Variants in KLF9 observed in about 807,000 individuals in gnomAD.
KLF9 encodes the protein Krueppel-like factor 9.
In KLF9, 2 loss-of-function variants were observed where a neutral mutation model predicts 17.3. That is an observed-to-expected ratio of 0.12 (90% CI 0.05 to 0.36). The LOEUF (loss-of-function observed/expected upper bound fraction) is 0.36. Ranked by LOEUF, KLF9 falls within the 10% of genes least tolerant of loss-of-function variation. The pLI, the probability that KLF9 is intolerant of heterozygous loss-of-function variation, is 1.00. For synonymous variants in KLF9, 138 were observed against 139.2 expected (o/e 0.99, Z 0.06); for missense variants, 226 against 333.2 (o/e 0.68, Z 2.51).
In KLF9 at chr9:70,412,994, G is replaced by A. The variant is rs1031467856; in HGVS notation, c.370C>T (p.Leu124Phe). ...RQDPGSAPSPLSLLHPGVAAK... is the reference protein window; with the variant it reads ...RQDPGSAPSPFSLLHPGVAAK... ...GCCACTCCAGGATGGAGGAGGGAGA[G>A]CGGGCTGGGCGCGCTGCCAGGATCC... Residue 124 changes from leucine (L) to phenylalanine (F), a missense_variant, in exon 1 of 2, where the codon CTC becomes TTC. Coordinates refer to ENST00000377126, the MANE Select transcript of KLF9 (RefSeq NM_001206.4). 3 of 1,614,174 alleles carry A rather than the reference G, an allele frequency of 1.9e-6. No individual in the cohort carries two copies. The highest frequency in any genetic ancestry group is 2.5e-6 in the Non-Finnish European group (3 of 1,180,028).
Position 70,387,580 on chromosome 9 carries a change from T to G in KLF9, c.*196A>C, listed in dbSNP as rs1316683583. ...CCTCTTCAAGGGGACCGAGTGTTGT[T>G]GACTTTGATCTTAGGCTACAATGTG... On this transcript the variant is annotated 3_prime_UTR_variant, in exon 2 of 2. Transcript: ENST00000377126. The G allele has an allele frequency of 6.8e-6, 4 of 591,146 alleles. No homozygotes were observed. The African/African-American group carries it at 7.4e-5, about 11-fold the overall frequency. The allele number at this position is 591,146 out of a possible 1,614,324, so 36.6% of individuals were successfully genotyped here.
Position 70,384,674 on chromosome 9 carries a change from T to G in KLF9, c.*3102A>C, listed in dbSNP as rs1043720425. On this transcript the variant is annotated 3_prime_UTR_variant, in exon 2 of 2. Coordinates refer to ENST00000377126, the MANE Select transcript of KLF9 (RefSeq NM_001206.4). ...CAAAATACCTACTGTCAGAATCCTC[T>G]TTTATAATTTCATTTGATTTACAAA... The G allele has an allele frequency of 1.3e-5, 2 of 152,658 alleles. No homozygotes were observed. The highest frequency in any genetic ancestry group is 4.8e-5 in the African/African-American group (2 of 41,458). The allele number at this position is 152,658 out of a possible 1,614,324, so 9.5% of individuals were successfully genotyped here. A position where few individuals can be genotyped will look rare whatever the true frequency, so the allele number is the denominator to read the frequency against.
At chr9:70,404,420 T>C (rs920413488) in intron 1 of KLF9, among the ~76,000 whole-genome samples, 1 of 151,770 alleles carries the variant, frequency 6.6e-6, no homozygotes, top group Non-Finnish European at 1.5e-5. Flanking sequence ...GGCAACATAG[T>C]GAAACCCAGC....
intron 1 of KLF9, among the ~76,000 whole-genome samples, chr9:70,408,380 G>T (rs1188122652): frequency 7.2e-5 from 11 of 152,240 alleles, no homozygotes; most frequent in Admixed American, 7.2e-4. Context: ...TATGTTGGAT[G>T]AAGCAAGTTG....
chr9:70,409,963 T>TAA (rs2037297890), intron 1 of KLF9, among the ~76,000 whole-genome samples: 1 of 152,202 alleles, frequency 6.6e-6, no homozygotes, highest in Non-Finnish European at 1.5e-5. Context: ...TCTCAAGGGG[T>TAA]TACTGTGTGT....
At chr9:70,397,582 A>G (rs1200794052) in intron 1 of KLF9, among the ~76,000 whole-genome samples, 1 of 152,174 alleles carries the variant, frequency 6.6e-6, no homozygotes, top group Admixed American at 6.5e-5. Context: ...TGAAAGGGAC[A>G]TGGCCCTCTT....
intron 1 of KLF9, among the ~76,000 whole-genome samples, chr9:70,410,439 A>G (rs887459116): frequency 2.6e-5 from 4 of 152,236 alleles, no homozygotes; most frequent in African/African-American, 9.6e-5. Flanking sequence ...GCTGGCCTCA[A>G]CTGTGTCGTT....
intron 1 of KLF9, among the ~76,000 whole-genome samples, chr9:70,394,271 G>T (rs1198808401): frequency 7.1e-6 from 1 of 140,630 alleles, no homozygotes; most frequent in Non-Finnish European, 1.5e-5. Flanking sequence ...AAATCATACT[G>T]ATATTATTCC....
At chr9:70,408,384 C>G (rs1424608549) in intron 1 of KLF9, among the ~76,000 whole-genome samples, 1 of 152,174 alleles carries the variant, frequency 6.6e-6, no homozygotes, top group Non-Finnish European at 1.5e-5. Context: ...TTGGATGAAG[C>G]AAGTTGGGTT....
Position 70,387,653 on chromosome 9 carries a change from G to C in KLF9, c.*123C>G. ...GAGGAAAATCAGAATATTGACCAAAGAGCAGTGACTTCCTGTGCCGTCAAG... is the reference window on the plus strand; with the variant it reads ...GAGGAAAATCAGAATATTGACCAAACAGCAGTGACTTCCTGTGCCGTCAAG... On this transcript the variant is annotated 3_prime_UTR_variant, in exon 2 of 2. Coordinates refer to ENST00000377126, the MANE Select transcript of KLF9 (RefSeq NM_001206.4). The C allele has an allele frequency of 1.3e-6, 1 of 754,822 alleles. No homozygotes were observed. The highest frequency in any genetic ancestry group is 2.2e-6 in the Non-Finnish European group (1 of 444,976). The allele number at this position is 754,822 out of a possible 1,614,324, so 46.8% of individuals were successfully genotyped here. A position where few individuals can be genotyped will look rare whatever the true frequency, so the allele number is the denominator to read the frequency against.
rs1014115066 is a variant in KLF9, at chr9:70,384,754, T to G, written c.*3022A>C. 2.0e-5 allele frequency: 3 copies of G among 152,646 alleles called. No individual in the cohort carries two copies. The highest frequency in any genetic ancestry group is 7.2e-5 in the African/African-American group (3 of 41,456). 9.5% of individuals were successfully genotyped at this position (152,646 alleles called of 1,614,324 possible). On this transcript the variant is annotated 3_prime_UTR_variant, in exon 2 of 2. Transcript: ENST00000377126. ...AATACTGTACAAAAATAAAACTGAT[T>G]AAACAGTTGTAAAGATCAGTATCTT...
At position 70,387,434 on chromosome 9, in the gene KLF9, C is replaced by T. The variant is rs1333484936; in HGVS notation, c.*342G>A. On this transcript the variant is annotated 3_prime_UTR_variant, in exon 2 of 2. Transcript: ENST00000377126. ...GTCTTGGCCTTACCCCCCTCCCCCCCACCCACTCCCTACCCTCCCCCGCAA... is the reference window on the plus strand; with the variant it reads ...GTCTTGGCCTTACCCCCCTCCCCCCTACCCACTCCCTACCCTCCCCCGCAA... 6.7e-6 allele frequency: 1 copy of T among 148,402 alleles called. No homozygotes were observed. Among genetic ancestry groups the T allele is most frequent in the African/African-American group, 2.6e-5 (1 of 38,536 alleles). The allele number at this position is 148,402 out of a possible 1,614,324, so 9.2% of individuals were successfully genotyped here. A position where few individuals can be genotyped will look rare whatever the true frequency, so the allele number is the denominator to read the frequency against.
Position 70,392,625 on chromosome 9 carries a change from C to T in KLF9, c.506-4620G>A, listed in dbSNP as rs372726354. On this transcript the variant is annotated intron_variant, in intron 1 of 1. Coordinates refer to ENST00000377126, the MANE Select transcript of KLF9 (RefSeq NM_001206.4). ...ATGGAATGGGGAAGTCACATGTAGA[C>T]GAGAACAGAATTAAGGCTGAATGGG... Among the ~76,000 whole-genome samples the T allele has an allele frequency of 4.7e-3, 720 of 152,172 alleles. 9 individuals carry two copies. Among genetic ancestry groups the T allele is most frequent in the Non-Finnish European group, 7.9e-3 (534 of 68,010 alleles).
chr9:70,386,808 C>T lies in KLF9; in HGVS notation c.*968G>A, dbSNP rs1289163267. 1 of 152,408 alleles carries T rather than the reference C, an allele frequency of 6.6e-6. No individual in the cohort carries two copies. Among genetic ancestry groups the T allele is most frequent in the Non-Finnish European group, 1.5e-5 (1 of 68,044 alleles). 9.4% of individuals were successfully genotyped at this position (152,408 alleles called of 1,614,324 possible). ...TTTTTCTTTTGCAAAACACTACCCTCCTTCTCCTTCAGCATCTGTTGTGTA... is the reference window on the plus strand; with the variant it reads ...TTTTTCTTTTGCAAAACACTACCCTTCTTCTCCTTCAGCATCTGTTGTGTA... On this transcript the variant is annotated 3_prime_UTR_variant, in exon 2 of 2. Coordinates refer to ENST00000377126, the MANE Select transcript of KLF9 (RefSeq NM_001206.4).
rs2037282466 is a variant in KLF9 at position 70,409,072 on chromosome 9, GTATATATATACACATATATGTATATATA to G, written c.505+3759_505+3786del. On this transcript the variant is annotated intron_variant, in intron 1 of 1. Transcript: ENST00000377126. ...TATACATATATGTGTATATATATGTGTATATATATACACATATATGTATATATATGTGTATATATATACATATATGTAT... is the reference window on the plus strand; with the variant it reads ...TATACATATATGTGTATATATATGTGTGTGTATATATATACATATATGTAT... Among the ~76,000 whole-genome samples the G allele has an allele frequency of 1.6e-4, 16 of 102,842 alleles. 1 individual carries two copies. Among genetic ancestry groups the G allele is most frequent in the Non-Finnish European group, 2.4e-4 (12 of 49,042 alleles). The allele number at this position is 102,842 out of a possible 152,430, so 67.5% of individuals were successfully genotyped here. A position where few individuals can be genotyped will look rare whatever the true frequency, so the allele number is the denominator to read the frequency against.
At chr9:70,404,805 A>C (rs2118922080) in intron 1 of KLF9, among the ~76,000 whole-genome samples, 1 of 152,260 alleles carries the variant, frequency 6.6e-6, no homozygotes, top group Non-Finnish European at 1.5e-5. Context: ...TAAATATATA[A>C]TTACTGAGCT....
intron 1 of KLF9, among the ~76,000 whole-genome samples, chr9:70,396,329 T>G (rs1007409266): frequency 1.2e-4 from 18 of 152,216 alleles, no homozygotes; most frequent in African/African-American, 4.3e-4. Flanking sequence ...GTTTAATACA[T>G]AAAGTATATC....
chr9:70,387,984 G>A lies in KLF9; in HGVS notation c.527C>T (p.Thr176Met). 2.5e-6 allele frequency: 4 copies of A among 1,613,690 alleles called. No homozygotes were observed. The highest frequency in any genetic ancestry group is 2.5e-6 in the Non-Finnish European group (3 of 1,179,884). Reference protein sequence around the residue: ...VHTGERPFPCTWPDCLKKFSR... With the variant: ...VHTGERPFPCMWPDCLKKFSR... ...GAACTTTTTAAGGCAGTCTGGCCAC[G>A]TGCAGGGAAAGGGCCGTTCACCTAA... The change falls in exon 2 of 2, where the codon ACG becomes ATG. Residue 176 changes from threonine to methionine, a missense_variant. Coordinates refer to ENST00000377126, the MANE Select transcript of KLF9 (RefSeq NM_001206.4).
chr9:70,402,056 GAAAAGA>G (rs927603410), intron 1 of KLF9, among the ~76,000 whole-genome samples: 9 of 151,866 alleles, frequency 5.9e-5, no homozygotes, highest in East Asian at 1.9e-4. Flanking sequence ...AAATCAATTA[GAAAAGA>G]AAAAGAAAAA....
Sources: gnomAD v4.1 joint callset for allele counts (sites outside exome capture counted in the v4.1 genomes callset) on GRCh38, gnomAD v4.1.1 for gene constraint, MANE v1.5 for transcripts, NCBI Gene and HGNC (gene_info 2026-07-23, HGNC 2026-07-21) for gene names.